Variants in FRMD4A observed in about 807,000 individuals in gnomAD.
FRMD4A encodes FERM domain-containing protein 4A.
In FRMD4A, 29 loss-of-function variants were observed where a neutral mutation model predicts 129.1. The ratio of observed to expected loss-of-function variants is 0.22; its 90% CI spans 0.17 to 0.31. The LOEUF is 0.31. FRMD4A is among the 10% of genes least tolerant of loss of function. FRMD4A has a pLI of 1.00. For missense variants in FRMD4A, 1,272 were observed against 1,375.8 expected (o/e 0.92, Z 1.19); for synonymous variants, 634 against 571.6 (o/e 1.11, Z -1.56).
chr10:14,226,013 T>C (rs1843422764), intron 2 of FRMD4A, among the ~76,000 whole-genome samples: 1 of 152,194 alleles, frequency 6.6e-6, no homozygotes, highest in Non-Finnish European at 1.5e-5. Context: ...TCTAAAGCAA[T>C]GTGTAACAGA....
At chr10:14,083,736 C>T (rs1423288905) in intron 2 of FRMD4A, 1 of 152,138 alleles carries the variant, frequency 6.6e-6, no homozygotes, top group East Asian at 1.9e-4. Flanking sequence ...GCCACAATTC[C>T]CTCATTTATG....
chr10:14,101,916 A>G (rs185744449), intron 2 of FRMD4A, among the ~76,000 whole-genome samples: 1 of 152,186 alleles, frequency 6.6e-6, no homozygotes, highest in African/African-American at 2.4e-5. Flanking sequence ...CATATCCCCC[A>G]TCAATTATTG....
chr10:13,868,055 A>T (rs2094396681), intron 2 of FRMD4A, among the ~76,000 whole-genome samples: 1 of 149,964 alleles, frequency 6.7e-6, no homozygotes, highest in Non-Finnish European at 1.5e-5. Flanking sequence ...GGAGTTCGAG[A>T]CCAGCCTGGG....
chr10:13,787,313 T>C (rs2092889999), intron 5 of FRMD4A, among the ~76,000 whole-genome samples: 1 of 152,134 alleles, frequency 6.6e-6, no homozygotes, highest in Non-Finnish European at 1.5e-5. Flanking sequence ...AGGGAACGGC[T>C]GAGTCAAAAA....
At chr10:13,980,797 A>G (rs892297817) in intron 2 of FRMD4A, among the ~76,000 whole-genome samples, 2 of 152,254 alleles carry the variant, frequency 1.3e-5, no homozygotes, top group Non-Finnish European at 2.9e-5. Flanking sequence ...TCTTCTCATG[A>G]AACCACACCC....
At chr10:13,824,545 T>C (rs1450239619) in intron 3 of FRMD4A, among the ~76,000 whole-genome samples, 3 of 151,278 alleles carry the variant, frequency 2.0e-5, no homozygotes, top group Non-Finnish European at 2.9e-5. Flanking sequence ...ACACCAATAA[T>C]AAATAACACA....
At chr10:14,088,047 GC>G (rs1329458509) in intron 2 of FRMD4A, among the ~76,000 whole-genome samples, 2 of 152,108 alleles carry the variant, frequency 1.3e-5, no homozygotes, top group African/African-American at 2.4e-5. Context: ...AACTAACAGA[GC>G]CTACTTTACT....
At chr10:13,668,596 T>C (rs1238402627) in intron 17 of FRMD4A, among the ~76,000 whole-genome samples, 3 of 152,164 alleles carry the variant, frequency 2.0e-5, no homozygotes, top group African/African-American at 7.2e-5. Flanking sequence ...GGAAAGATCA[T>C]GTGTGGGGAC....
chr10:13,895,912 GA>G (rs2094752647), intron 2 of FRMD4A, among the ~76,000 whole-genome samples: 4 of 152,142 alleles, frequency 2.6e-5, no homozygotes, highest in South Asian at 2.1e-4. Flanking sequence ...ACAAACATAT[GA>G]AAAAAATCTC....
intron 2 of FRMD4A, among the ~76,000 whole-genome samples, chr10:14,135,660 C>A (rs902720434): frequency 6.6e-5 from 10 of 152,162 alleles, no homozygotes; most frequent in Admixed American, 3.3e-4. Context: ...TGTGCAAGCA[C>A]AGAAAAACAT....
At chr10:14,069,999 A>G (rs1044994390) in intron 2 of FRMD4A, among the ~76,000 whole-genome samples, 3 of 152,142 alleles carry the variant, frequency 2.0e-5, no homozygotes, top group African/African-American at 7.2e-5. Context: ...TGCCTTAAAG[A>G]ACAAGTAGAT....
chr10:13,943,723 C>A (rs1176434018), intron 2 of FRMD4A, among the ~76,000 whole-genome samples: 2 of 148,978 alleles, frequency 1.3e-5, no homozygotes, highest in South Asian at 2.1e-4. Flanking sequence ...TAGACCCACA[C>A]CAAAGAGTGT....
At chr10:13,867,465 T>G (rs1048342850) in intron 2 of FRMD4A, among the ~76,000 whole-genome samples, 4 of 150,178 alleles carry the variant, frequency 2.7e-5, no homozygotes, top group African/African-American at 9.8e-5. Context: ...CTCGCCATGT[T>G]GTCCAGGCTG....
At position 14,236,130 on chromosome 10, in the gene FRMD4A, G is replaced by A. The variant is rs1564407200; in HGVS notation, c.45+93928C>T. Among the ~76,000 whole-genome samples, 4 of 152,260 alleles carry A rather than the reference G, an allele frequency of 2.6e-5. No homozygotes were observed. In the Middle Eastern group the frequency reaches 0.014, roughly 518 times the overall value. The stretch of plus-strand genomic sequence containing the variant: ...CGATTTTCTAAAAGGGATGCTCTTC[G>A]CGCACTTGCCTTCAACTTGATGGCA... On this transcript the variant is annotated intron_variant, in intron 2 of 24. Transcript: ENST00000357447.
chr10:13,869,940 T>C (rs2094420631), intron 2 of FRMD4A, among the ~76,000 whole-genome samples: 2 of 152,262 alleles, frequency 1.3e-5, no homozygotes, highest in African/African-American at 4.8e-5. Flanking sequence ...GTTCTGCAAC[T>C]GGAGCAACCG....
At chr10:14,241,105 G>C (rs1308506872) in intron 2 of FRMD4A, among the ~76,000 whole-genome samples, 3 of 152,148 alleles carry the variant, frequency 2.0e-5, no homozygotes, top group Admixed American at 2.0e-4. Flanking sequence ...GGGTTCTGCT[G>C]GTTTAATGAG....
intron 2 of FRMD4A, among the ~76,000 whole-genome samples, chr10:13,996,860 C>G (rs2095624315): frequency 6.6e-6 from 1 of 152,216 alleles, no homozygotes; most frequent in African/African-American, 2.4e-5. Context: ...CAAATTAGGA[C>G]TTGCTCATTT....
chr10:14,086,816 C>G (rs1054769377), intron 2 of FRMD4A, among the ~76,000 whole-genome samples: 4 of 152,134 alleles, frequency 2.6e-5, no homozygotes, highest in African/African-American at 9.7e-5. Flanking sequence ...CTGTCTGATT[C>G]TGGGAGATTC....
intron 12 of FRMD4A, among the ~76,000 whole-genome samples, chr10:13,711,653 G>T (rs1022283756): frequency 3.9e-5 from 6 of 152,202 alleles, no homozygotes; most frequent in African/African-American, 1.4e-4. Flanking sequence ...AATAATCAAA[G>T]AATGTATTAA....
Sources: allele counts gnomAD v4.1 joint callset (sites outside exome capture counted in the v4.1 genomes callset), GRCh38; gene constraint gnomAD v4.1.1; transcripts MANE v1.5; gene names NCBI Gene and HGNC (gene_info 2026-07-23, HGNC 2026-07-21).